Variants in GREM2 observed in about 807,000 individuals in gnomAD.
GREM2 encodes gremlin-2.
A neutral mutation model predicts 14.2 loss-of-function variants in GREM2; 11 were observed. The observed-to-expected ratio is 0.78, with a 90% CI of 0.49 to 1.28. The LOEUF is 1.28. GREM2 is among the 50% of genes most tolerant of loss of function. GREM2 has a pLI of 0.00. For synonymous variants in GREM2, 98 were observed against 97.6 expected (o/e 1.00, Z -0.02); for missense variants, 210 against 218.5 (o/e 0.96, Z 0.24).
At chr1:240,579,716 G>C (rs1168192869) in intron 1 of GREM2, among the ~76,000 whole-genome samples, 1 of 152,176 alleles carries the variant, frequency 6.6e-6, no homozygotes, top group African/African-American at 2.4e-5. Context: ...TCTGTCTGGG[G>C]TCATCAAGAA....
intron 1 of GREM2, among the ~76,000 whole-genome samples, chr1:240,500,907 T>G (rs1025080714): frequency 7.4e-6 from 1 of 134,808 alleles, no homozygotes; most frequent in African/African-American, 2.4e-5. Flanking sequence ...ATGTACAACT[T>G]GAGCTTGACT....
At chr1:240,514,033 G>A (rs538681281) in intron 1 of GREM2, among the ~76,000 whole-genome samples, 38 of 152,030 alleles carry the variant, frequency 2.5e-4, no homozygotes, top group Admixed American at 1.8e-3. Context: ...ATCACCTGAC[G>A]TCAGGACTTC....
At chr1:240,584,510 A>AG (rs1271575525) in intron 1 of GREM2, among the ~76,000 whole-genome samples, 3 of 151,126 alleles carry the variant, frequency 2.0e-5, no homozygotes, top group East Asian at 1.9e-4. Context: ...AAAAAAAAAA[A>AG]AAGAAGAATG....
chr1:240,496,349 A>G (rs1340207056), intron 1 of GREM2, among the ~76,000 whole-genome samples: 1 of 150,110 alleles, frequency 6.7e-6, no homozygotes, highest in Non-Finnish European at 1.5e-5. Context: ...CATACTGGAA[A>G]TAGCCTATCT....
At chr1:240,606,374 T>G (rs1387631863) in intron 1 of GREM2, among the ~76,000 whole-genome samples, 1 of 152,176 alleles carries the variant, frequency 6.6e-6, no homozygotes, top group Non-Finnish European at 1.5e-5. Flanking sequence ...AAGAAAAAAT[T>G]TGAGCTATTA....
intron 1 of GREM2, among the ~76,000 whole-genome samples, chr1:240,564,848 G>A (rs182968785): frequency 1.3e-3 from 193 of 152,280 alleles, no homozygotes; most frequent in African/African-American, 4.5e-3. Flanking sequence ...TGTACTTTTC[G>A]TCTCAGGGAG....
chr1:240,496,183 G>A (rs537496092), intron 1 of GREM2, among the ~76,000 whole-genome samples: 20 of 152,014 alleles, frequency 1.3e-4, no homozygotes, highest in South Asian at 1.2e-3. Context: ...GTGATCTGCC[G>A]GTCTCGGCCT....
At chr1:240,533,625 G>A (rs528578762) in intron 1 of GREM2, among the ~76,000 whole-genome samples, 1 of 152,338 alleles carries the variant, frequency 6.6e-6, no homozygotes, top group East Asian at 1.9e-4. Flanking sequence ...TTGGCATCTA[G>A]CAGTACACAC....
chr1:240,538,733 C>A (rs184704098), intron 1 of GREM2, among the ~76,000 whole-genome samples: 1 of 151,974 alleles, frequency 6.6e-6, no homozygotes, highest in African/African-American at 2.4e-5. Flanking sequence ...AACAAACAAA[C>A]AAACAACAAA....
At position 240,492,902 on chromosome 1, in the gene GREM2, C is replaced by G. The variant is rs369040400; in HGVS notation, c.*67G>C. 3.8e-6 allele frequency: 5 copies of G among 1,328,322 alleles called. No individual in the cohort carries two copies. In the African/African-American group the frequency reaches 6.2e-5, roughly 16 times the overall value. 82.3% of individuals were successfully genotyped at this position (1,328,322 alleles called of 1,614,324 possible). A position where few individuals can be genotyped will look rare whatever the true frequency, so the allele number is the denominator to read the frequency against. On this transcript the variant is annotated 3_prime_UTR_variant, in exon 2 of 2. Transcript: ENST00000318160. ...TGACAGTGGGCTCGGAGGGCAGGGACAGAGGCGGCGGCGGCGCCACCCAGC... is the reference window on the plus strand; with the variant it reads ...TGACAGTGGGCTCGGAGGGCAGGGAGAGAGGCGGCGGCGGCGCCACCCAGC...
chr1:240,525,825 G>T (rs973891925), intron 1 of GREM2, among the ~76,000 whole-genome samples: 2 of 152,156 alleles, frequency 1.3e-5, no homozygotes, highest in African/African-American at 2.4e-5. Context: ...TCTGACATGG[G>T]TCTCACTGGG....
At chr1:240,565,159 A>C (rs1010123779) in intron 1 of GREM2, among the ~76,000 whole-genome samples, 5 of 152,040 alleles carry the variant, frequency 3.3e-5, no homozygotes, top group Admixed American at 6.6e-5. Flanking sequence ...CTTATTGTTG[A>C]ATGTGTGATT....
rs1328930056 is a variant in GREM2 at position 240,543,318 on chromosome 1, A to T, written c.-1-49842T>A. Among the ~76,000 whole-genome samples the T allele has an allele frequency of 6.6e-6, 1 of 152,216 alleles. No individual in the cohort carries two copies. ...AAACTGTGTAATTTATAAAGAAAAG[A>T]GGTTTAATTTACTCACAGTTCCACA... On this transcript the variant is annotated intron_variant, in intron 1 of 1. Coordinates refer to ENST00000318160, the MANE Select transcript of GREM2 (RefSeq NM_022469.4). This position sits in a 1 kb window ranked among gnomAD's most constrained non-coding sequence, Gnocchi z 6.4.
At chr1:240,580,220 A>G (rs1679458584) in intron 1 of GREM2, among the ~76,000 whole-genome samples, 1 of 152,160 alleles carries the variant, frequency 6.6e-6, no homozygotes, top group Admixed American at 6.5e-5. Context: ...GGAAGACCTC[A>G]TTTCTATTTA....
At chr1:240,597,613 G>C (rs773938361) in intron 1 of GREM2, among the ~76,000 whole-genome samples, 1 of 152,156 alleles carries the variant, frequency 6.6e-6, no homozygotes, top group Non-Finnish European at 1.5e-5. Flanking sequence ...GGGAGCTGCT[G>C]AGAGGCAAGG....
intron 1 of GREM2, among the ~76,000 whole-genome samples, chr1:240,529,276 T>A (rs1406141571): frequency 6.6e-5 from 10 of 151,360 alleles, no homozygotes; most frequent in East Asian, 3.9e-4. Flanking sequence ...ATGATTATGT[T>A]TTTTTTTTCT....
intron 1 of GREM2, among the ~76,000 whole-genome samples, chr1:240,609,583 C>G (rs961556109): frequency 1.3e-5 from 2 of 152,012 alleles, no homozygotes; most frequent in Admixed American, 1.3e-4. Context: ...CACGTTTTCC[C>G]TGGTTGAAAT....
At chr1:240,523,667 T>G (rs1011885188) in intron 1 of GREM2, among the ~76,000 whole-genome samples, 10 of 152,050 alleles carry the variant, frequency 6.6e-5, no homozygotes, top group Non-Finnish European at 1.3e-4. Context: ...TTTTGTTTTG[T>G]TTTTTCATGT....
chr1:240,580,744 T>C (rs1388267023), intron 1 of GREM2, among the ~76,000 whole-genome samples: 2 of 152,256 alleles, frequency 1.3e-5, no homozygotes, highest in East Asian at 3.9e-4. Flanking sequence ...AATTATATTT[T>C]AAATTTTTTG....
Sources: allele counts gnomAD v4.1 joint callset (sites outside exome capture counted in the v4.1 genomes callset), GRCh38; gene constraint gnomAD v4.1.1; non-coding constraint Gnocchi (gnomAD v3.1); transcripts MANE v1.5; gene names NCBI Gene and HGNC (gene_info 2026-07-23, HGNC 2026-07-21).